NCALD: variants seen among roughly 807,000 people sequenced by gnomAD.
The protein encoded by NCALD is neurocalcin delta.
A neutral mutation model predicts 18.6 loss-of-function variants in NCALD; 10 were observed. That is an observed-to-expected ratio of 0.54 (90% confidence interval 0.33 to 0.91). NCALD has a LOEUF of 0.91. NCALD is among the 40% of genes least tolerant of loss of function. The probability of loss-of-function intolerance (pLI) is 0.03; values close to 1 mark genes in which losing one functional copy is unlikely to be tolerated. For synonymous variants in NCALD, 88 were observed against 87.4 expected, an observed-to-expected ratio of 1.01 and a Z score of -0.04; for missense variants, 184 against 247.6, an observed-to-expected ratio of 0.74 and a Z score of 1.72.
intron 1 of NCALD, among the ~76,000 whole-genome samples, chr8:101,778,569 T>G (rs914263790): frequency 2.0e-5 from 3 of 151,880 alleles, no homozygotes; most frequent in African/African-American, 7.3e-5. Flanking sequence ...AGATGCTCAG[T>G]GGAAAGTCTG....
chr8:101,779,720 C>A (rs1811937978), intron 1 of NCALD, among the ~76,000 whole-genome samples: 2 of 152,126 alleles, frequency 1.3e-5, no homozygotes, highest in South Asian at 4.1e-4. Context: ...TGTTTTAAAA[C>A]CCCTTCTCCC....
intron 1 of NCALD, among the ~76,000 whole-genome samples, chr8:102,024,620 A>T (rs1418319237): frequency 6.6e-6 from 1 of 152,114 alleles, no homozygotes; most frequent in Admixed American, 6.6e-5. Context: ...TCCTCCTCTC[A>T]TCAATAACCA....
intron 2 of NCALD, among the ~76,000 whole-genome samples, chr8:102,008,456 C>G (rs1821784315): frequency 7.0e-6 from 1 of 143,398 alleles, no homozygotes; most frequent in South Asian, 2.2e-4. Context: ...ATATTGATGA[C>G]TCTGAATTAA....
chr8:101,731,584 G>A (rs2226401), intron 1 of NCALD, among the ~76,000 whole-genome samples: 4 of 152,046 alleles, frequency 2.6e-5, no homozygotes, highest in Admixed American at 6.5e-5. Context: ...TTTGCTATTC[G>A]AGAGCTTAGG....
Position 101,728,830 on chromosome 8 carries a change from AAAAC to A in NCALD, c.-19-9186_-19-9183del, listed in dbSNP as rs57922786. On this transcript the variant is annotated intron_variant, in intron 1 of 3. Coordinates refer to ENST00000220931, the MANE Select transcript of NCALD (RefSeq NM_032041.3). ...GCGAGACTCCATCTCAAAACAAAAC[AAAAC>A]AAACAAACAAACAAAAAGCACGCAA... Among the ~76,000 whole-genome samples, 93 of 152,092 alleles carry A rather than the reference AAAAC, an allele frequency of 6.1e-4. 2 individuals are homozygous for A. The highest frequency in any genetic ancestry group is 1.6e-3 in the East Asian group (8 of 5,154).
At chr8:101,908,637 A>C (rs1198861945) in intron 3 of NCALD, among the ~76,000 whole-genome samples, 1 of 152,172 alleles carries the variant, frequency 6.6e-6, no homozygotes, top group African/African-American at 2.4e-5. Context: ...AATTCTACCA[A>C]ATATTAAGCA....
At chr8:101,714,396 C>A (rs1815962586) in intron 2 of NCALD, among the ~76,000 whole-genome samples, 1 of 152,068 alleles carries the variant, frequency 6.6e-6, no homozygotes, top group Non-Finnish European at 1.5e-5. Context: ...CTCACAATTG[C>A]TACAAAGAGA....
At chr8:101,916,014 A>T (rs1339137122) in intron 2 of NCALD, among the ~76,000 whole-genome samples, 1 of 152,134 alleles carries the variant, frequency 6.6e-6, no homozygotes, top group Non-Finnish European at 1.5e-5. Context: ...GTTTTGGAAA[A>T]GAGAGTGCAG....
At chr8:101,831,106 A>G (rs1814166634) in intron 4 of NCALD, among the ~76,000 whole-genome samples, 1 of 152,154 alleles carries the variant, frequency 6.6e-6, no homozygotes, top group South Asian at 2.1e-4. Context: ...CCATATTTTC[A>G]GTATTAGTAA....
chr8:101,855,531 G>C (rs1051565506), intron 4 of NCALD, among the ~76,000 whole-genome samples: 3 of 152,124 alleles, frequency 2.0e-5, no homozygotes, highest in African/African-American at 7.2e-5. Context: ...TGTTAGAGCA[G>C]CATAATATAG....
At chr8:101,903,424 T>G (rs146997580) in intron 3 of NCALD, among the ~76,000 whole-genome samples, 1 of 152,216 alleles carries the variant, frequency 6.6e-6, no homozygotes, top group Non-Finnish European at 1.5e-5. Context: ...CTCGATGTCT[T>G]GATCTCATGA....
chr8:101,898,257 T>A (rs576087081), intron 3 of NCALD, among the ~76,000 whole-genome samples: 5 of 152,354 alleles, frequency 3.3e-5, no homozygotes, highest in Non-Finnish European at 7.4e-5. Flanking sequence ...TGCTATCTCA[T>A]CATGGCATTC....
At chr8:101,917,641 T>C (rs1282504199) in intron 2 of NCALD, among the ~76,000 whole-genome samples, 2 of 151,972 alleles carry the variant, frequency 1.3e-5, no homozygotes, top group African/African-American at 4.8e-5. Flanking sequence ...ACAAAGGTGA[T>C]ATTACAATGA....
At chr8:101,955,976 C>T (rs1012805785) in intron 2 of NCALD, among the ~76,000 whole-genome samples, 8 of 151,822 alleles carry the variant, frequency 5.3e-5, no homozygotes, top group African/African-American at 9.7e-5. Context: ...TAGAAAAAAA[C>T]GTACAGAGAA....
At chr8:101,754,440 T>C (rs370294526) in intron 1 of NCALD, among the ~76,000 whole-genome samples, 2 of 152,134 alleles carry the variant, frequency 1.3e-5, no homozygotes, top group East Asian at 3.9e-4. Flanking sequence ...AAGTCCAAGA[T>C]GAAGGTGGCA....
chr8:102,061,775 C>T (rs1037274760), intron 1 of NCALD, among the ~76,000 whole-genome samples: 17 of 152,156 alleles, frequency 1.1e-4, no homozygotes, highest in Non-Finnish European at 1.9e-4. Flanking sequence ...AATTTTCAGC[C>T]GTGCATAAAT....
intron 3 of NCALD, among the ~76,000 whole-genome samples, chr8:101,912,935 G>C (rs1817852343): frequency 6.6e-6 from 1 of 152,232 alleles, no homozygotes; most frequent in Non-Finnish European, 1.5e-5. Context: ...AAGCCTGTGA[G>C]ATGCCACATG....
At chr8:102,017,236 CAAAAA>C (rs1324023316) in intron 2 of NCALD, among the ~76,000 whole-genome samples, 37 of 151,622 alleles carry the variant, frequency 2.4e-4, no homozygotes, top group Non-Finnish European at 2.9e-5. Flanking sequence ...ATGTGATGCT[CAAAAA>C]TTTAGACATC....
intron 4 of NCALD, among the ~76,000 whole-genome samples, chr8:101,859,849 G>C (rs1238598899): frequency 6.6e-6 from 1 of 152,052 alleles, no homozygotes; most frequent in Non-Finnish European, 1.5e-5. Context: ...CAAAACAAAG[G>C]GTATGAGTTT....
Sources: allele counts gnomAD v4.1 joint callset (sites outside exome capture counted in the v4.1 genomes callset), GRCh38; gene constraint gnomAD v4.1.1; transcripts MANE v1.5; gene names NCBI Gene and HGNC (gene_info 2026-07-23, HGNC 2026-07-21).